Variants in GAREM2 observed in about 807,000 individuals in gnomAD.
The protein encoded by GAREM2 is GRB2 associated regulator of MAPK1 subtype 2.
Under a neutral mutation model 55.6 loss-of-function variants are expected in GAREM2, and 30 were observed. The ratio of observed to expected loss-of-function variants is 0.54; its 90% CI spans 0.40 to 0.73. The LOEUF (loss-of-function observed/expected upper bound fraction) is 0.73. GAREM2 is among the 30% of genes least tolerant of loss of function. GAREM2 has a pLI of 0.00. For missense variants in GAREM2, 1,075 were observed against 1,257.7 expected (o/e 0.85, Z 2.20); for synonymous variants, 550 against 569.1 (o/e 0.97, Z 0.48).
At chr2:26,180,405 C>G (rs1048608942) in intron 2 of GAREM2, among the ~76,000 whole-genome samples, 3 of 152,228 alleles carry the variant, frequency 2.0e-5, no homozygotes, top group Non-Finnish European at 4.4e-5. Context: ...TTCCTCTTCC[C>G]TGAGCCATCT....
downstream of GAREM2, chr2:26,194,562 A>G (rs576886917): frequency 1.9e-5 from 30 of 1,581,386 alleles, no homozygotes; most frequent in South Asian, 2.0e-4. Context: ...CTGGAGAGCA[A>G]TACCAACCTG....
chr2:26,173,884 G>A (rs1404942537), intron 1 of GAREM2, among the ~76,000 whole-genome samples: 1 of 151,976 alleles, frequency 6.6e-6, no homozygotes, highest in African/African-American at 2.4e-5. Flanking sequence ...CGGGTCTGCT[G>A]CCCGGCGTGA....
chr2:26,195,169 C>G, the GAREM2 span: 6 of 1,612,000 alleles, frequency 3.7e-6, no homozygotes, highest in African/African-American at 6.7e-5. Flanking sequence ...GAAGTTTTCT[C>G]GGTCGTGATA....
chr2:26,183,344 G>GCT (rs1669115987), intron 3 of GAREM2, among the ~76,000 whole-genome samples: 1 of 152,220 alleles, frequency 6.6e-6, no homozygotes, highest in Non-Finnish European at 1.5e-5. Context: ...GTTCTGACTT[G>GCT]GAGACTTTTC....
intron 2 of GAREM2, chr2:26,182,136 A>T (rs1183111633): frequency 2.4e-6 from 3 of 1,240,814 alleles, no homozygotes; most frequent in Middle Eastern, 6.4e-4. Context: ...GGGTATGCAT[A>T]TAACAGGTGT....
chr2:26,173,306 T>G lies in GAREM2; in HGVS notation c.86T>G (p.Leu29Arg). The G allele has an allele frequency of 1.4e-6, 2 of 1,432,954 alleles. No homozygotes were observed. The highest frequency in any genetic ancestry group is 1.8e-6 in the Non-Finnish European group (2 of 1,090,828). The allele number at this position is 1,432,954 out of a possible 1,614,324, so 88.8% of individuals were successfully genotyped here. ...PLDLIVSRCR[L>R]PTLACLGPGE... ...GACCTCATCGTCAGCCGCTGCCGCCTGCCCACGCTCGCCTGCCTTGGGCCA... is the reference window on the plus strand; with the variant it reads ...GACCTCATCGTCAGCCGCTGCCGCCGGCCCACGCTCGCCTGCCTTGGGCCA... The change falls in exon 1 of 6, where the codon CTG (leucine) becomes CGG (arginine). Residue 29 changes from leucine to arginine, a missense_variant. Coordinates refer to ENST00000401533, the MANE Select transcript of GAREM2 (RefSeq NM_001168241.2).
At chr2:26,185,641 C>G (rs1454860145) in intron 4 of GAREM2, among the ~76,000 whole-genome samples, 1 of 152,130 alleles carries the variant, frequency 6.6e-6, no homozygotes, top group Non-Finnish European at 1.5e-5. Context: ...ATTCCCAGCC[C>G]TTTTTCCCTC....
the GAREM2 span, chr2:26,194,664 C>A: frequency 0.8 from 1,203,178 of 1,505,828 alleles, 482,272 homozygotes; most frequent in African/African-American, 0.94. Flanking sequence ...ACATGAGCTC[C>A]CTGGCCCTGC....
At chr2:26,203,814 A>G in the GAREM2 span, among the ~76,000 whole-genome samples, 1 of 152,254 alleles carries the variant, frequency 6.6e-6, no homozygotes, top group African/African-American at 2.4e-5. Context: ...CAAAGACTAC[A>G]GACTCCAAGG....
At chr2:26,180,132 G>A (rs1367131672) in intron 2 of GAREM2, among the ~76,000 whole-genome samples, 1 of 152,120 alleles carries the variant, frequency 6.6e-6, no homozygotes. Context: ...CAGGCCTGGG[G>A]GCTCCCCCGC....
At chr2:26,199,450 T>C in the GAREM2 span, 1 of 152,250 alleles carries the variant, frequency 6.6e-6, no homozygotes, top group African/African-American at 2.4e-5. Context: ...GTCAGGTTAC[T>C]TTCTTAGTAA....
chr2:26,176,425 C>T lies in GAREM2; in HGVS notation c.194C>T (p.Thr65Ile). ...CRQWTTVTAH[T>I]LEEGHYVIGP... ...CAGTGGACAACGGTGACAGCTCATA[C>T]CCTGGAGGAGGGCCACTATGTCATC... The change falls in exon 2 of 6, where the codon ACC (threonine) becomes ATC (isoleucine). Residue 65 changes from threonine (T) to isoleucine (I), a missense_variant. Physicochemically the swap from Thr to Ile is moderately conservative, Grantham distance 89. Coordinates refer to ENST00000401533, the MANE Select transcript of GAREM2 (RefSeq NM_001168241.2). 1 of 1,550,652 alleles carries T rather than the reference C, an allele frequency of 6.4e-7. No homozygotes were observed. Among genetic ancestry groups the T allele is most frequent in the Non-Finnish European group, 8.7e-7 (1 of 1,146,436 alleles).
chr2:26,187,698 C>T lies in GAREM2; in HGVS notation c.2066C>T (p.Ser689Phe), dbSNP rs1397221343. The T allele has an allele frequency of 5.4e-6, 8 of 1,490,950 alleles. No homozygotes were observed. The highest frequency in any genetic ancestry group is 6.3e-6 in the Non-Finnish European group (7 of 1,117,196). 92.4% of individuals were successfully genotyped at this position (1,490,950 alleles called of 1,614,324 possible). Residue 689 changes from serine (S) to phenylalanine (F), a missense_variant, in exon 6 of 6, where the codon TCT (serine) becomes TTT (phenylalanine). Ser to Phe is a radical substitution (Grantham distance 155). Coordinates refer to ENST00000401533, the MANE Select transcript of GAREM2 (RefSeq NM_001168241.2). ...TCCTCCTGCGCCCCCTCCTCCTCCT[C>T]TTCTTCTGAATGGCAGGAACCAGTC... ...PPSSCAPSSSSSSEWQEPVLE... is the reference protein window; with the variant it reads ...PPSSCAPSSSFSSEWQEPVLE...
rs1399987740 is a variant in GAREM2 at position 26,173,167 on chromosome 2, C to G, written c.-54C>G. 3.1e-6 allele frequency: 2 copies of G among 650,072 alleles called. No individual in the cohort carries two copies. The highest frequency in any genetic ancestry group is 1.4e-4 in the South Asian group (2 of 13,938). 40.3% of individuals were successfully genotyped at this position (650,072 alleles called of 1,614,324 possible). ...TGGCGGCGGGCGCGAGAGCCTGGGC[C>G]GCGCGGGACTGACCGTCGGGGCCCC... On this transcript the variant is annotated 5_prime_UTR_variant, in exon 1 of 6. Transcript: ENST00000401533.
At chr2:26,203,290 T>G in the GAREM2 span, among the ~76,000 whole-genome samples, 22 of 152,180 alleles carry the variant, frequency 1.4e-4, no homozygotes, top group Non-Finnish European at 5.9e-5. Context: ...AAAAGCTCAC[T>G]CAGCTAAAAG....
chr2:26,188,263 C>A lies in GAREM2; in HGVS notation c.*6C>A. 6.9e-7 allele frequency: 1 copy of A among 1,449,420 alleles called. No homozygotes were observed. Among genetic ancestry groups the A allele is most frequent in the Non-Finnish European group, 9.2e-7 (1 of 1,089,884 alleles). 89.8% of individuals were successfully genotyped at this position (1,449,420 alleles called of 1,614,324 possible). On this transcript the variant is annotated 3_prime_UTR_variant, in exon 6 of 6. Transcript: ENST00000401533. ...GCTGGAGGCCCAAGATCTGAACTGC[C>A]CAGCTGGAGCTGCACAGCTGGAATG...
At chr2:26,198,896 C>CTT in the GAREM2 span, among the ~76,000 whole-genome samples, 5 of 141,460 alleles carry the variant, frequency 3.5e-5, no homozygotes, top group Non-Finnish European at 7.8e-5. Flanking sequence ...CAAAACATAA[C>CTT]TTTTTTTTTT....
chr2:26,196,665 T>G, the GAREM2 span, among the ~76,000 whole-genome samples: 1 of 152,112 alleles, frequency 6.6e-6, no homozygotes, highest in Non-Finnish European at 1.5e-5. Flanking sequence ...TTTAAATGAA[T>G]GACAAAAGGC....
chr2:26,182,933 C>T, intron 2 of GAREM2, 34 bp from the exon 3 acceptor site: 1 of 1,549,160 alleles, frequency 6.5e-7, no homozygotes, highest in East Asian at 2.4e-5. Flanking sequence ...AGCAGGCAGG[C>T]CCACTCCAGC....
Sources: gnomAD v4.1 joint callset for allele counts (sites outside exome capture counted in the v4.1 genomes callset) on GRCh38, gnomAD v4.1.1 for gene constraint, MANE v1.5 for transcripts, NCBI Gene and HGNC (gene_info 2026-07-23, HGNC 2026-07-21) for gene names.